Variants in ALPK1 observed in about 807,000 individuals in gnomAD.
ALPK1 encodes the protein alpha-protein kinase 1.
In ALPK1, 110 loss-of-function variants were observed where a neutral mutation model predicts 120.6. The observed-to-expected ratio is 0.91, with a 90% CI of 0.78 to 1.07. The LOEUF is 1.07. Ranked by LOEUF, ALPK1 falls within the 50% of genes least tolerant of loss-of-function variation. ALPK1 has a pLI of 0.00. For missense variants in ALPK1, 1,498 were observed against 1,483.9 expected, an observed-to-expected ratio of 1.01 and a Z score of -0.16; for synonymous variants, 582 against 560.3, an observed-to-expected ratio of 1.04 and a Z score of -0.55.
chr4:112,383,487 C>A (rs1020116395), intron 4 of ALPK1: 3 of 152,058 alleles, frequency 2.0e-5, no homozygotes, highest in Non-Finnish European at 4.4e-5. Flanking sequence ...ACAAGAGCAT[C>A]TTTAGAGACT....
chr4:112,317,307 C>T (rs4834258), intron 2 of ALPK1, among the ~76,000 whole-genome samples: 12,813 of 152,116 alleles, frequency 0.084, 831 homozygotes, highest in Admixed American at 0.21. Context: ...TACAAAAAAT[C>T]ACCAAACCCT....
intron 1 of ALPK1, among the ~76,000 whole-genome samples, chr4:112,300,762 C>T (rs1309118711): frequency 6.6e-6 from 1 of 150,758 alleles, no homozygotes; most frequent in Non-Finnish European, 1.5e-5. Context: ...TGCAAATAAC[C>T]TCTTAACTCA....
chr4:112,346,078 G>A (rs1730088939), intron 2 of ALPK1, among the ~76,000 whole-genome samples: 1 of 152,170 alleles, frequency 6.6e-6, no homozygotes, highest in South Asian at 2.1e-4. Flanking sequence ...GATCAGGCTG[G>A]TCTCGAACTC....
chr4:112,329,576 A>C (rs1462743275), intron 2 of ALPK1, among the ~76,000 whole-genome samples: 2 of 152,228 alleles, frequency 1.3e-5, no homozygotes, highest in Non-Finnish European at 2.9e-5. Context: ...GAAAGTATAA[A>C]AGTTATCAGA....
rs562279588 is a variant in ALPK1, at chr4:112,356,382, C to A, written c.-100-21296C>A. 2.4e-4 allele frequency: 196 copies of A among 831,216 alleles called. 1 individual carries two copies. The highest frequency in any genetic ancestry group is 3.9e-4 in the Non-Finnish European group (182 of 471,188). The allele number at this position is 831,216 out of a possible 1,614,324, so 51.5% of individuals were successfully genotyped here. ...CAAGGGGAGCTTCTCTCAGATCAGG[C>A]CTTTGTCATCCTGGGGCAATGCTGC... is the stretch of plus-strand genomic sequence containing the variant. On this transcript the variant is annotated intron_variant, in intron 2 of 15. Coordinates refer to ENST00000650871, the MANE Select transcript of ALPK1 (RefSeq NM_025144.4).
chr4:112,377,103 T>C (rs753365210), intron 2 of ALPK1, among the ~76,000 whole-genome samples: 2 of 152,186 alleles, frequency 1.3e-5, no homozygotes, highest in Non-Finnish European at 2.9e-5. Flanking sequence ...GTTTGATGGA[T>C]TTGGGAAATT....
intron 2 of ALPK1, among the ~76,000 whole-genome samples, chr4:112,321,179 G>A (rs1048872124): frequency 3.3e-5 from 5 of 151,896 alleles, no homozygotes; most frequent in African/African-American, 1.2e-4. Context: ...TTACAGGCGT[G>A]AGCCACCGAG....
Position 112,402,412 on chromosome 4 carries a change from T to G in ALPK1, c.277-9415T>G, listed in dbSNP as rs149931264. Among the ~76,000 whole-genome samples, 3 of 152,294 alleles carry G rather than the reference T, an allele frequency of 2.0e-5. No individual in the cohort carries two copies. The East Asian group carries it at 5.8e-4, about 29-fold the overall frequency. ...GGAACCATGAAAACAGCACACACTTTTCCTTGCTGCTGTTTAGCAAGAGCC... is the reference window on the plus strand; with the variant it reads ...GGAACCATGAAAACAGCACACACTTGTCCTTGCTGCTGTTTAGCAAGAGCC... On this transcript the variant is annotated intron_variant, in intron 4 of 15. Coordinates refer to ENST00000650871, the MANE Select transcript of ALPK1 (RefSeq NM_025144.4).
At chr4:112,380,421 A>G (rs1446512201) in intron 3 of ALPK1, among the ~76,000 whole-genome samples, 1 of 152,060 alleles carries the variant, frequency 6.6e-6, no homozygotes, top group Admixed American at 6.6e-5. Context: ...GGGGGTGATA[A>G]TTTCAGTGTG....
intron 2 of ALPK1, chr4:112,358,404 A>T: frequency 1.6e-6 from 1 of 630,796 alleles, no homozygotes; most frequent in South Asian, 1.8e-5. Flanking sequence ...GAGGCAGAAG[A>T]TGCTGTCAGG....
intron 2 of ALPK1, among the ~76,000 whole-genome samples, chr4:112,372,470 A>C (rs1449191673): frequency 6.6e-6 from 1 of 151,968 alleles, no homozygotes; most frequent in Non-Finnish European, 1.5e-5. Flanking sequence ...TGGCCTCCCA[A>C]AGTGCTGGGA....
chr4:112,303,811 A>G (rs1727897713), intron 1 of ALPK1, among the ~76,000 whole-genome samples: 1 of 151,768 alleles, frequency 6.6e-6, no homozygotes, highest in African/African-American at 2.4e-5. Context: ...CAGGTTTGTT[A>G]TATATGTATA....
chr4:112,334,170 C>A (rs141918176), intron 2 of ALPK1, among the ~76,000 whole-genome samples: 1 of 152,028 alleles, frequency 6.6e-6, no homozygotes, highest in Non-Finnish European at 1.5e-5. Context: ...CAGTGGCTCA[C>A]GCCTGTAATC....
In ALPK1 at chr4:112,430,597, G is replaced by A; in HGVS notation, c.1050G>A (p.Glu350=). ...RDDEPVTGKQ[E]LHSFVKAAFG... is the part of the protein sequence containing the mutation. ...ATGAGCCTGTTACTGGAAAACAGGA[G>A]CTTCACAGCTTTGTCAAAGCTGCTT... is the stretch of plus-strand genomic sequence containing the variant. Residue 350 remains glutamate (E), a synonymous_variant, in exon 11 of 16, where the codon GAG becomes GAA. Coordinates refer to ENST00000650871, the MANE Select transcript of ALPK1 (RefSeq NM_025144.4). 6.2e-7 allele frequency: 1 copy of A among 1,614,170 alleles called. No individual in the cohort carries two copies. Among genetic ancestry groups the A allele is most frequent in the Non-Finnish European group, 8.5e-7 (1 of 1,180,020 alleles).
At chr4:112,426,962 G>C (rs920854397) in intron 8 of ALPK1, among the ~76,000 whole-genome samples, 2 of 152,158 alleles carry the variant, frequency 1.3e-5, no homozygotes, top group Non-Finnish European at 1.5e-5. Flanking sequence ...ATTGAGGAAG[G>C]TCATCTGCCT....
intron 2 of ALPK1, chr4:112,356,712 A>G: frequency 3.1e-6 from 3 of 967,692 alleles, no homozygotes; most frequent in South Asian, 2.5e-5. Context: ...CTGGACATCG[A>G]GGACTTGGTC....
intron 10 of ALPK1, 109 bp from the exon 11 acceptor site, chr4:112,430,339 A>G: frequency 8.8e-7 from 1 of 1,132,954 alleles, no homozygotes; most frequent in Non-Finnish European, 1.2e-6. Flanking sequence ...GCATGTGTTC[A>G]TTTTTCTATA....
At chr4:112,412,621 C>T (rs1733539939) in intron 5 of ALPK1, among the ~76,000 whole-genome samples, 1 of 152,022 alleles carries the variant, frequency 6.6e-6, no homozygotes, top group South Asian at 2.1e-4. Context: ...GGAGGGGGGC[C>T]TGCTATGCGT....
chr4:112,431,553 T>A lies in ALPK1; in HGVS notation c.2006T>A (p.Met669Lys). ...TCTCAAAATCAGCCACAGCAACAGATGCCCTTGACACCCTTCTCGCCTCAT... is the reference window on the plus strand; with the variant it reads ...TCTCAAAATCAGCCACAGCAACAGAAGCCCTTGACACCCTTCTCGCCTCAT... ...EPSQNQPQQQMPLTPFSPHNT... is the reference protein window; with the variant it reads ...EPSQNQPQQQKPLTPFSPHNT... The change falls in exon 11 of 16, where the codon ATG becomes AAG. Residue 669 changes from methionine to lysine, a missense_variant. By Grantham distance (95) the Met-to-Lys change is moderately conservative. Transcript: ENST00000650871. The A allele has an allele frequency of 6.2e-7, 1 of 1,614,216 alleles. No individual in the cohort carries two copies. Among genetic ancestry groups the A allele is most frequent in the Non-Finnish European group, 8.5e-7 (1 of 1,180,034 alleles).
Sources: gnomAD v4.1 joint callset for allele counts (sites outside exome capture counted in the v4.1 genomes callset) on GRCh38, gnomAD v4.1.1 for gene constraint, MANE v1.5 for transcripts, NCBI Gene and HGNC (gene_info 2026-07-23, HGNC 2026-07-21) for gene names.